The following PAICS variants were observed in gnomAD, a reference collection of about 807,000 sequenced individuals.
PAICS encodes phosphoribosylaminoimidazole carboxylase and phosphoribosylaminoimidazolesuccinocarboxamide synthase.
PAICS carries 33 observed loss-of-function variants against 53.7 expected under a neutral mutation model. The ratio of observed to expected loss-of-function variants is 0.61; its 90% CI spans 0.47 to 0.82. The LOEUF is 0.82. Ranked by LOEUF, PAICS falls within the 40% of genes least tolerant of loss-of-function variation. PAICS has a pLI of 0.00. For missense variants in PAICS, 394 were observed against 494.1 expected (o/e 0.80, Z 1.92); for synonymous variants, 141 against 167.2 (o/e 0.84, Z 1.21).
intron 8 of PAICS, among the ~76,000 whole-genome samples, chr4:56,457,180 A>G (rs142449383): frequency 2.6e-5 from 4 of 152,254 alleles, no homozygotes; most frequent in African/African-American, 9.6e-5. Context: ...TAATCCCAAC[A>G]CTTTGGGAGG....
chr4:56,446,141 A>G (rs149916276), intron 2 of PAICS, among the ~76,000 whole-genome samples: 1 of 152,374 alleles, frequency 6.6e-6, no homozygotes, highest in Non-Finnish European at 1.5e-5. Context: ...GAAAATTGTG[A>G]TAAATACATA....
chr4:56,429,023 AACAAGTTCTTCC>A, the PAICS span: 1 of 895,652 alleles, frequency 1.1e-6, no homozygotes, highest in African/African-American at 1.8e-5. Flanking sequence ...CCAGAGAAAT[AACAAGTTCTTCC>A]ACACAGTGGA....
Position 56,463,942 on chromosome 4 carries a change from T to A in PAICS, c.*4404T>A, listed in dbSNP as rs1719596723. ...TTCACCCATGTGGGTGAGCGTCATC[T>A]AATCCATTGAGGGCCTGAATAGAAC... On this transcript the variant is annotated 3_prime_UTR_variant, in exon 9 of 9. Coordinates refer to ENST00000512576, the MANE Select transcript of PAICS (RefSeq NM_001079524.2). The A allele has an allele frequency of 1.3e-5, 2 of 152,016 alleles. No individual in the cohort carries two copies. Among genetic ancestry groups the A allele is most frequent in the Non-Finnish European group, 2.9e-5 (2 of 68,054 alleles). 9.4% of individuals were successfully genotyped at this position (152,016 alleles called of 1,614,324 possible).
upstream of PAICS, among the ~76,000 whole-genome samples, chr4:56,433,495 T>TAAA (rs542379951): frequency 1.8e-4 from 23 of 129,538 alleles, no homozygotes; most frequent in African/African-American, 6.0e-4. Flanking sequence ...ACATGTAAGT[T>TAAA]AAAAAAAAAA....
the PAICS span, among the ~76,000 whole-genome samples, chr4:56,415,312 C>T: frequency 4.6e-4 from 70 of 152,296 alleles, 1 homozygote; most frequent in South Asian, 0.014. Flanking sequence ...ATCCGCCTCC[C>T]AATTAGTCTG....
At chr4:56,443,438 T>C (rs1428696565) in intron 2 of PAICS, among the ~76,000 whole-genome samples, 2 of 152,332 alleles carry the variant, frequency 1.3e-5, no homozygotes, top group Middle Eastern at 3.4e-3. Flanking sequence ...TCCACCCGCA[T>C]TGGCCTCCCA....
chr4:56,457,671 T>TTC (rs1404953093), intron 8 of PAICS, among the ~76,000 whole-genome samples: 1 of 151,108 alleles, frequency 6.6e-6, no homozygotes, highest in East Asian at 1.9e-4. Context: ...AGTTTTTTTT[T>TTC]TTTTTTTTTT....
upstream of PAICS, chr4:56,435,199 G>A (rs1239551554): frequency 2.6e-6 from 3 of 1,174,480 alleles, no homozygotes; most frequent in Admixed American, 4.7e-5. Flanking sequence ...TGCACGCCTA[G>A]GCAACCCGGT....
chr4:56,436,015 C>A (rs944592624), upstream of PAICS: 143 of 1,523,230 alleles, frequency 9.4e-5, no homozygotes, highest in Admixed American at 1.3e-4. Context: ...GCCGCCAGTG[C>A]GCGCCACTTT....
chr4:56,459,329 T>G, intron 8 of PAICS, 43 bp from the exon 9 acceptor site: 1 of 1,440,418 alleles, frequency 6.9e-7, no homozygotes, highest in East Asian at 2.3e-5. Context: ...TTTTCATTAC[T>G]AATTGAGCTC....
chr4:56,414,929 ATT>A, the PAICS span, among the ~76,000 whole-genome samples: 2 of 152,206 alleles, frequency 1.3e-5, no homozygotes, highest in Non-Finnish European at 2.9e-5. Context: ...ATTTTTGACA[ATT>A]TTTACCTTGA....
chr4:56,434,686 A>C (rs1409429550), upstream of PAICS, among the ~76,000 whole-genome samples: 1 of 152,232 alleles, frequency 6.6e-6, no homozygotes, highest in Non-Finnish European at 1.5e-5. Flanking sequence ...CAAGACGTCT[A>C]CCAATGAATC....
chr4:56,422,189 CT>C, the PAICS span: 1 of 152,022 alleles, frequency 6.6e-6, no homozygotes, highest in Admixed American at 6.6e-5. Flanking sequence ...AATGAGAATC[CT>C]TGGAACCTGG....
At chr4:56,455,406 G>C (rs1194154110) in intron 8 of PAICS, among the ~76,000 whole-genome samples, 2 of 152,056 alleles carry the variant, frequency 1.3e-5, no homozygotes, top group African/African-American at 4.8e-5. Flanking sequence ...CTCCAACCTG[G>C]TCCAGTGGAC....
At chr4:56,410,899 TAAAAAAAAAAAAAAAAA>T in the PAICS span, 12 of 678,538 alleles carry the variant, frequency 1.8e-5, no homozygotes, top group African/African-American at 3.2e-4. Context: ...CCACTGAAGG[TAAAAAAAAAAAAAAAAA>T]AAAAAAAAAA....
chr4:56,435,692 AGGGCGGAGGGGCGGTCCCGCG>A, upstream of PAICS: 1 of 1,454,338 alleles, frequency 6.9e-7, no homozygotes, highest in East Asian at 2.5e-5. Flanking sequence ...CCAACGAGCG[AGGGCGGAGGGGCGGTCCCGCG>A]GCTGAGGGGC....
In PAICS at chr4:56,459,562, AGGG is replaced by A; in HGVS notation, c.*26_*28del. On this transcript the variant is annotated 3_prime_UTR_variant, in exon 9 of 9. Transcript: ENST00000512576. ...AAGAAAGAATGCCATTGAATTTTTT[AGGG>A]GAAAAACTACAAATTTCTAATTTAG... 1 of 1,506,792 alleles carries A rather than the reference AGGG, an allele frequency of 6.6e-7. No homozygotes were observed. 93.3% of individuals were successfully genotyped at this position (1,506,792 alleles called of 1,614,324 possible).
chr4:56,457,839 G>T (rs60972582), intron 8 of PAICS, among the ~76,000 whole-genome samples: 6,926 of 152,040 alleles, frequency 0.046, 194 homozygotes, highest in Admixed American at 0.092. Context: ...TTCTTGGTCT[G>T]CTAACTTAGC....
At chr4:56,410,977 A>C in the PAICS span, 1 of 927,460 alleles carries the variant, frequency 1.1e-6, no homozygotes, top group Non-Finnish European at 1.3e-6. Context: ...TGAACTGTAA[A>C]AGTTCAGGAC....
Sources: allele counts gnomAD v4.1 joint callset (sites outside exome capture counted in the v4.1 genomes callset), GRCh38; gene constraint gnomAD v4.1.1; transcripts MANE v1.5; gene names NCBI Gene and HGNC (gene_info 2026-07-23, HGNC 2026-07-21).